The following LHCGR variants were observed in gnomAD, a reference collection of about 807,000 sequenced individuals.
The protein encoded by LHCGR is luteinizing hormone/choriogonadotropin receptor.
LHCGR carries 55 observed loss-of-function variants against 60.7 expected under a neutral mutation model. That is an observed-to-expected ratio of 0.91 (90% CI 0.73 to 1.13). The LOEUF (loss-of-function observed/expected upper bound fraction) is 1.13. Ranked by LOEUF, LHCGR falls within the 50% of genes most tolerant of loss-of-function variation. The pLI is 0.00. For missense variants in LHCGR, 862 were observed against 836.0 expected (o/e 1.03, Z -0.38); for synonymous variants, 337 against 316.5 (o/e 1.06, Z -0.69).
intron 9 of LHCGR, among the ~76,000 whole-genome samples, chr2:48,697,658 AGCAGCATCTG>A (rs1667184745): frequency 1.3e-5 from 2 of 152,202 alleles, no homozygotes; most frequent in Non-Finnish European, 2.9e-5. Flanking sequence ...AAACAAAGAC[AGCAGCATCTG>A]GTGTCACTCT....
chr2:48,699,715 G>A (rs1211276337), intron 8 of LHCGR, among the ~76,000 whole-genome samples: 1 of 152,240 alleles, frequency 6.6e-6, no homozygotes, highest in African/African-American at 2.4e-5. Context: ...GTTCTCTAAT[G>A]ATTCATCTGT....
intron 1 of LHCGR, among the ~76,000 whole-genome samples, chr2:48,745,489 A>G (rs960649819): frequency 2.4e-4 from 37 of 152,224 alleles, no homozygotes; most frequent in African/African-American, 7.7e-4. Flanking sequence ...AATGTGGCAT[A>G]TATACAACAT....
At chr2:48,743,814 A>G (rs1399945910) in intron 1 of LHCGR, among the ~76,000 whole-genome samples, 1 of 151,486 alleles carries the variant, frequency 6.6e-6, no homozygotes, top group East Asian at 2.0e-4. Context: ...CACCACTCCT[A>G]TTCAACATAG....
chr2:48,739,368 T>G (rs562049095), intron 1 of LHCGR, among the ~76,000 whole-genome samples: 2 of 152,332 alleles, frequency 1.3e-5, no homozygotes, highest in South Asian at 4.1e-4. Flanking sequence ...CACACGTGTA[T>G]TTATTGCGGC....
At chr2:48,737,372 A>C (rs1038029491) in intron 1 of LHCGR, among the ~76,000 whole-genome samples, 2 of 152,212 alleles carry the variant, frequency 1.3e-5, no homozygotes, top group Non-Finnish European at 2.9e-5. Flanking sequence ...GAACTTGTTG[A>C]AATGGGAAGA....
chr2:48,708,757 T>C lies in LHCGR; in HGVS notation c.680+191A>G, dbSNP rs555223672. 14 of 628,112 alleles carry C rather than the reference T, an allele frequency of 2.2e-5. No homozygotes were observed. In the Admixed American group the frequency reaches 3.5e-4, roughly 16 times the overall value. 38.9% of individuals were successfully genotyped at this position (628,112 alleles called of 1,614,324 possible). A position where few individuals can be genotyped will look rare whatever the true frequency, so the allele number is the denominator to read the frequency against. On this transcript the variant is annotated intron_variant, in intron 8 of 10. Coordinates refer to ENST00000294954, the MANE Select transcript of LHCGR (RefSeq NM_000233.4). ...CCAGAACCATAAGACAAAATTTCTG[T>C]TGTCTAAGCCTCTCGGTTTGGGGTA...
At chr2:48,733,671 G>A (rs11683850) in intron 1 of LHCGR, among the ~76,000 whole-genome samples, 22,363 of 152,094 alleles carry the variant, frequency 0.15, 2,181 homozygotes, top group East Asian at 0.32. Context: ...TTAGGCAGGT[G>A]CACTGTGCTT....
At chr2:48,748,653 G>C (rs1669814157) in intron 1 of LHCGR, among the ~76,000 whole-genome samples, 2 of 152,108 alleles carry the variant, frequency 1.3e-5, no homozygotes, top group East Asian at 1.9e-4. Flanking sequence ...CTCACATATG[G>C]GCTGTGGGTT....
intron 1 of LHCGR, among the ~76,000 whole-genome samples, chr2:48,734,680 A>G (rs1669141689): frequency 6.6e-6 from 1 of 152,124 alleles, no homozygotes; most frequent in Non-Finnish European, 1.5e-5. Flanking sequence ...AGTCGGTATC[A>G]TTTGATATAG....
intron 3 of LHCGR, among the ~76,000 whole-genome samples, chr2:48,726,023 C>G (rs1438460899): frequency 1.3e-5 from 2 of 152,200 alleles, no homozygotes; most frequent in Non-Finnish European, 2.9e-5. Context: ...CCTCCCACCC[C>G]TCTCCCCCAC....
chr2:48,726,562 C>A (rs1000281631), intron 3 of LHCGR, among the ~76,000 whole-genome samples: 1 of 152,318 alleles, frequency 6.6e-6, no homozygotes, highest in South Asian at 2.1e-4. Context: ...TAAGTCCTGT[C>A]TACTTTGTAT....
intron 1 of LHCGR, among the ~76,000 whole-genome samples, chr2:48,743,364 A>T (rs968685391): frequency 1.1e-4 from 16 of 152,224 alleles, no homozygotes; most frequent in African/African-American, 3.9e-4. Context: ...TCATCCTGAT[A>T]CCAAAGCTGG....
At chr2:48,741,684 G>A (rs1181794036) in intron 1 of LHCGR, among the ~76,000 whole-genome samples, 2 of 151,450 alleles carry the variant, frequency 1.3e-5, no homozygotes, top group Non-Finnish European at 2.9e-5. Context: ...AAGAGCTCCT[G>A]AAGGAAGCGC....
intron 1 of LHCGR, among the ~76,000 whole-genome samples, chr2:48,745,229 C>T (rs1485664955): frequency 6.6e-6 from 1 of 152,192 alleles, no homozygotes; most frequent in Non-Finnish European, 1.5e-5. Context: ...GAAATAGGAA[C>T]ACTTTTACAC....
At chr2:48,708,632 G>T (rs948737973) in intron 8 of LHCGR, 10 of 493,304 alleles carry the variant, frequency 2.0e-5, no homozygotes, top group African/African-American at 1.7e-4. Context: ...CAACCAGAAA[G>T]AACTAGCACA....
chr2:48,702,814 A>C (rs997051195), intron 8 of LHCGR, among the ~76,000 whole-genome samples: 12 of 152,196 alleles, frequency 7.9e-5, no homozygotes, highest in Non-Finnish European at 1.5e-4. Flanking sequence ...GTCAAATGGT[A>C]TTTCTAGTTC....
intron 7 of LHCGR, among the ~76,000 whole-genome samples, chr2:48,709,359 G>A (rs1003023199): frequency 1.3e-5 from 2 of 152,152 alleles, no homozygotes; most frequent in Admixed American, 6.5e-5. Flanking sequence ...TGCTCCAAGA[G>A]GCCAAGACTG....
rs184465246 is a variant in LHCGR at position 48,692,270 on chromosome 2, A to C, written c.947+1954T>G. On this transcript the variant is annotated intron_variant, in intron 10 of 10. Transcript: ENST00000294954. ...CCTTTACTCCTTTCCCCTTATCAAAACTACTTCAGCTGTTAGAAGCACTAT... is the reference window on the plus strand; with the variant it reads ...CCTTTACTCCTTTCCCCTTATCAAACCTACTTCAGCTGTTAGAAGCACTAT... Among the ~76,000 whole-genome samples the C allele has an allele frequency of 1.4e-4, 22 of 152,310 alleles. No individual in the cohort carries two copies. The East Asian group carries it at 4.2e-3, about 29-fold the overall frequency.
chr2:48,750,923 A>G (rs1372363579), intron 1 of LHCGR, among the ~76,000 whole-genome samples: 1 of 152,262 alleles, frequency 6.6e-6, no homozygotes, highest in Non-Finnish European at 1.5e-5. Flanking sequence ...ACAAGGTTCA[A>G]AACAGCTCCC....
Sources: allele counts gnomAD v4.1 joint callset (sites outside exome capture counted in the v4.1 genomes callset), GRCh38; gene constraint gnomAD v4.1.1; transcripts MANE v1.5; gene names NCBI Gene and HGNC (gene_info 2026-07-23, HGNC 2026-07-21).